CCDC102B: variants seen among roughly 807,000 people sequenced by gnomAD.
CCDC102B encodes the protein coiled-coil domain-containing protein 102B.
A neutral mutation model predicts 57.4 loss-of-function variants in CCDC102B; 75 were observed. The observed-to-expected ratio is 1.31, with a 90% CI of 1.08 to 1.58. The LOEUF is 1.58. Among genes scored for constraint, CCDC102B ranks in the 40% most tolerant of loss-of-function variants. The pLI is 0.00. For synonymous variants in CCDC102B, 206 were observed against 201.9 expected (o/e 1.02, Z -0.17); for missense variants, 636 against 582.6 (o/e 1.09, Z -0.94).
chr18:68,887,714 C>A (rs2039938946), intron 5 of CCDC102B, among the ~76,000 whole-genome samples: 1 of 152,168 alleles, frequency 6.6e-6, no homozygotes, highest in Non-Finnish European at 1.5e-5. Context: ...ACAACTAACA[C>A]AATATTTTTG....
intron 6 of CCDC102B, among the ~76,000 whole-genome samples, chr18:68,913,373 G>T (rs1238502360): frequency 2.1e-5 from 3 of 143,640 alleles, no homozygotes; most frequent in Non-Finnish European, 3.0e-5. Context: ...CCAGCCAGGG[G>T]TGGTGGCTCA....
intron 6 of CCDC102B, among the ~76,000 whole-genome samples, chr18:68,997,414 C>T (rs1178203890): frequency 1.3e-5 from 2 of 152,102 alleles, no homozygotes; most frequent in Non-Finnish European, 2.9e-5. Flanking sequence ...CCCAGCCGCC[C>T]TTTATTTATC....
intron 6 of CCDC102B, among the ~76,000 whole-genome samples, chr18:68,898,722 C>T (rs1034920209): frequency 8.6e-5 from 13 of 151,978 alleles, no homozygotes; most frequent in Non-Finnish European, 2.9e-5. Flanking sequence ...ATTATCCCCA[C>T]CCAGCATGGG....
chr18:68,970,588 G>A (rs1291576699), intron 6 of CCDC102B, among the ~76,000 whole-genome samples: 1 of 151,370 alleles, frequency 6.6e-6, no homozygotes, highest in Non-Finnish European at 1.5e-5. Context: ...CATACCCTTG[G>A]GGAGATTTAA....
intron 3 of CCDC102B, among the ~76,000 whole-genome samples, chr18:68,845,886 G>T (rs577809634): frequency 6.6e-6 from 1 of 151,830 alleles, no homozygotes; most frequent in African/African-American, 2.4e-5. Context: ...TTGTTAGGTG[G>T]CTTGTTGGAA....
At chr18:69,043,931 T>C (rs1214446873) in intron 7 of CCDC102B, among the ~76,000 whole-genome samples, 1 of 152,064 alleles carries the variant, frequency 6.6e-6, no homozygotes, top group East Asian at 1.9e-4. Context: ...TGGAAATAAA[T>C]TGCATGAGAA....
At chr18:68,803,682 G>C (rs140289075) in intron 1 of CCDC102B, among the ~76,000 whole-genome samples, 397 of 152,020 alleles carry the variant, frequency 2.6e-3, no homozygotes, top group African/African-American at 9.4e-3. Flanking sequence ...TAAGCTTCAA[G>C]ATATTAGGGT....
chr18:69,053,816 A>T (rs989490218), intron 7 of CCDC102B, among the ~76,000 whole-genome samples: 2 of 151,934 alleles, frequency 1.3e-5, no homozygotes, highest in African/African-American at 4.8e-5. Context: ...GATATACAAC[A>T]TGATGTTTTT....
chr18:68,832,777 C>G (rs939794423), intron 1 of CCDC102B, among the ~76,000 whole-genome samples: 1 of 151,762 alleles, frequency 6.6e-6, no homozygotes, highest in South Asian at 2.1e-4. Context: ...AGAGAGTCTG[C>G]GGAGAGTGGG....
At chr18:68,816,339 A>G (rs961367425) in intron 1 of CCDC102B, among the ~76,000 whole-genome samples, 3 of 152,198 alleles carry the variant, frequency 2.0e-5, no homozygotes, top group Admixed American at 6.5e-5. Flanking sequence ...CTGTAGGTAA[A>G]ATCACTCCAG....
chr18:68,837,761 CA>C (rs2037447767), intron 2 of CCDC102B, among the ~76,000 whole-genome samples: 1 of 152,102 alleles, frequency 6.6e-6, no homozygotes. Context: ...CTGTCTCCAC[CA>C]ACAGTCACAT....
intron 3 of CCDC102B, among the ~76,000 whole-genome samples, chr18:68,845,009 G>A (rs148206558): frequency 2.1e-4 from 32 of 151,940 alleles, no homozygotes; most frequent in African/African-American, 7.7e-4. Context: ...GTGGTGCTTT[G>A]CACCATTTTT....
chr18:69,006,351 TAACAGAAATG>T lies in CCDC102B; in HGVS notation c.1264-4580_1264-4571del, dbSNP rs888357280. ...TTCCCATCACTTTTCTATCACAAAT[TAACAGAAATG>T]AATGGATGGTAGCAAAGGCCATAGC... On this transcript the variant is annotated intron_variant, in intron 6 of 7. Coordinates refer to ENST00000360242, the MANE Select transcript of CCDC102B (RefSeq NM_024781.3). Among the ~76,000 whole-genome samples the T allele has an allele frequency of 6.3e-4, 96 of 152,142 alleles. 1 individual carries two copies. In the South Asian group the frequency reaches 6.9e-3, roughly 11 times the overall value.
Position 68,837,188 on chromosome 18 carries a change from G to A in CCDC102B, c.425G>A (p.Ser142Asn), listed in dbSNP as rs2037420728. Reference protein sequence around the residue: ...KELSTLKKKQSLPPQKEALEA... With the variant: ...KELSTLKKKQNLPPQKEALEA... ...TTGAGTACACTGAAAAAGAAACAGAGTTTGCCACCTCAGAAGGAGGCATTA... is the reference window on the plus strand; with the variant it reads ...TTGAGTACACTGAAAAAGAAACAGAATTTGCCACCTCAGAAGGAGGCATTA... The change falls in exon 2 of 8, where the codon AGT becomes AAT. Residue 142 changes from serine (S) to asparagine (N), a missense_variant. Ser to Asn is a conservative substitution (Grantham distance 46). Transcript: ENST00000360242. 1.2e-6 allele frequency: 2 copies of A among 1,614,040 alleles called. No individual in the cohort carries two copies. Among genetic ancestry groups the A allele is most frequent in the African/African-American group, 2.7e-5 (2 of 75,024 alleles).
At chr18:69,019,602 T>C (rs1196220816) in intron 7 of CCDC102B, among the ~76,000 whole-genome samples, 1 of 152,100 alleles carries the variant, frequency 6.6e-6, no homozygotes, top group Non-Finnish European at 1.5e-5. Flanking sequence ...CTGAATTCAT[T>C]TATTAGTTTC....
intron 7 of CCDC102B, among the ~76,000 whole-genome samples, chr18:69,047,410 T>G (rs1286451107): frequency 6.6e-6 from 1 of 152,132 alleles, no homozygotes; most frequent in Non-Finnish European, 1.5e-5. Context: ...AAGAGCCATC[T>G]AAGACAAACC....
chr18:68,885,760 T>C (rs147992858), intron 5 of CCDC102B, among the ~76,000 whole-genome samples: 19 of 152,072 alleles, frequency 1.2e-4, no homozygotes, highest in Non-Finnish European at 2.2e-4. Context: ...GTAAAAAACA[T>C]GAGTTAGGAA....
chr18:68,784,141 G>C (rs1311993463), intron 2 of CCDC102B, among the ~76,000 whole-genome samples: 1 of 152,096 alleles, frequency 6.6e-6, no homozygotes, highest in Admixed American at 6.6e-5. Context: ...AGAAATGCCT[G>C]GGACTGGGTA....
At chr18:68,887,463 T>C (rs1268959707) in intron 5 of CCDC102B, among the ~76,000 whole-genome samples, 2 of 152,196 alleles carry the variant, frequency 1.3e-5, no homozygotes, top group Non-Finnish European at 2.9e-5. Context: ...CCATAAATGT[T>C]AAGAACCTTT....
Sources: gnomAD v4.1 joint callset for allele counts (sites outside exome capture counted in the v4.1 genomes callset) on GRCh38, gnomAD v4.1.1 for gene constraint, MANE v1.5 for transcripts, NCBI Gene and HGNC (gene_info 2026-07-23, HGNC 2026-07-21) for gene names.